TMEM108: variants seen among roughly 807,000 people sequenced by gnomAD.
TMEM108 encodes transmembrane protein 108.
TMEM108 carries 12 observed loss-of-function variants against 35.1 expected under a neutral mutation model. The ratio of observed to expected loss-of-function variants is 0.34; its 90% confidence interval spans 0.22 to 0.55. The LOEUF (loss-of-function observed/expected upper bound fraction) is 0.55, where lower values mean the gene tolerates loss of function less well. Among genes scored for constraint, TMEM108 ranks in the 20% least tolerant of loss-of-function variants. The pLI, the probability that TMEM108 is intolerant of heterozygous loss-of-function variation, is 0.89. For synonymous variants in TMEM108, 287 were observed against 308.6 expected, an observed-to-expected ratio of 0.93 and a Z score of 0.73; for missense variants, 680 against 753.3, an observed-to-expected ratio of 0.90 and a Z score of 1.14.
intron 2 of TMEM108, among the ~76,000 whole-genome samples, chr3:133,201,954 A>G (rs1248540457): frequency 6.6e-6 from 1 of 152,188 alleles, no homozygotes; most frequent in East Asian, 1.9e-4. Context: ...CGTCCTCTCC[A>G]GCATCTGTTC....
At chr3:133,277,096 A>G (rs1329623504) in intron 3 of TMEM108, among the ~76,000 whole-genome samples, 2 of 152,292 alleles carry the variant, frequency 1.3e-5, no homozygotes, top group Non-Finnish European at 1.5e-5. Flanking sequence ...AAGCAAATGC[A>G]GTATGTGTTC....
chr3:133,108,101 C>T (rs376366852), intron 2 of TMEM108, among the ~76,000 whole-genome samples: 167 of 152,184 alleles, frequency 1.1e-3, no homozygotes, highest in Non-Finnish European at 1.8e-3. Context: ...CATGATGGTG[C>T]GTGCCTGTAA....
intron 2 of TMEM108, among the ~76,000 whole-genome samples, chr3:133,076,319 C>T (rs922923230): frequency 2.0e-5 from 3 of 152,122 alleles, no homozygotes; most frequent in East Asian, 1.9e-4. Flanking sequence ...GCTTGCACTT[C>T]GAGGAGTCAA....
intron 3 of TMEM108, among the ~76,000 whole-genome samples, chr3:133,284,796 T>C (rs187854998): frequency 1.3e-3 from 196 of 152,338 alleles, no homozygotes; most frequent in African/African-American, 4.3e-3. Flanking sequence ...TCTACAACCC[T>C]CCTTCTCAAC....
intron 2 of TMEM108, among the ~76,000 whole-genome samples, chr3:133,080,738 C>G (rs1022474481): frequency 6.6e-6 from 1 of 152,070 alleles, no homozygotes; most frequent in Non-Finnish European, 1.5e-5. Flanking sequence ...AAGTGTATAT[C>G]TAGAGGAAAG....
chr3:133,382,487 G>C (rs986002418), intron 4 of TMEM108, among the ~76,000 whole-genome samples: 3 of 152,238 alleles, frequency 2.0e-5, no homozygotes, highest in African/African-American at 7.2e-5. Context: ...TGCCCCCTCT[G>C]GGGTAGCTTC....
chr3:133,055,617 C>T (rs1943457095), intron 2 of TMEM108, among the ~76,000 whole-genome samples: 1 of 152,170 alleles, frequency 6.6e-6, no homozygotes, highest in Admixed American at 6.5e-5. Context: ...CCTGAACTGC[C>T]CTATTCTTCC....
chr3:133,371,670 C>A (rs1175794994), intron 3 of TMEM108, among the ~76,000 whole-genome samples: 1 of 142,024 alleles, frequency 7.0e-6, no homozygotes, highest in Non-Finnish European at 1.5e-5. Context: ...GGAACATAGA[C>A]CTTACCTGTC....
intron 2 of TMEM108, among the ~76,000 whole-genome samples, chr3:133,203,199 C>T (rs1285243943): frequency 6.6e-6 from 1 of 152,104 alleles, no homozygotes; most frequent in Admixed American, 6.5e-5. Flanking sequence ...TGGGCTGAGA[C>T]GATGGGGTTT....
At chr3:133,216,412 A>C (rs58238138) in intron 2 of TMEM108, among the ~76,000 whole-genome samples, 50,269 of 151,864 alleles carry the variant, frequency 0.33, 8,873 homozygotes, top group East Asian at 0.47. Flanking sequence ...CCACTATGTC[A>C]TATGTGTGGT....
At chr3:133,325,612 C>T (rs1401126267) in intron 3 of TMEM108, among the ~76,000 whole-genome samples, 1 of 151,964 alleles carries the variant, frequency 6.6e-6, no homozygotes, top group Non-Finnish European at 1.5e-5. Context: ...GTCCTAGCTA[C>T]TTGGGAGGCT....
chr3:133,349,006 C>A (rs62280863), intron 3 of TMEM108, among the ~76,000 whole-genome samples: 51,410 of 151,626 alleles, frequency 0.34, 9,012 homozygotes, highest in East Asian at 0.48. Flanking sequence ...TACCAAGTTT[C>A]TAGCCTTGAC....
chr3:133,058,654 A>G (rs1430927407), intron 2 of TMEM108, among the ~76,000 whole-genome samples: 2 of 152,232 alleles, frequency 1.3e-5, no homozygotes, highest in Non-Finnish European at 2.9e-5. Context: ...GCCAAGGGCA[A>G]AGCCCTGTTT....
chr3:133,096,033 A>G (rs938048655), intron 2 of TMEM108, among the ~76,000 whole-genome samples: 4 of 152,194 alleles, frequency 2.6e-5, no homozygotes, highest in Non-Finnish European at 5.9e-5. Flanking sequence ...ACTCAAGGAA[A>G]AAGACTGAGG....
intron 2 of TMEM108, among the ~76,000 whole-genome samples, chr3:133,222,074 C>G (rs1439950960): frequency 6.6e-6 from 1 of 152,156 alleles, no homozygotes; most frequent in Non-Finnish European, 1.5e-5. Flanking sequence ...TCAGAGAACT[C>G]CCTTTAGCAG....
chr3:133,235,586 A>AC (rs1946224215), intron 3 of TMEM108, among the ~76,000 whole-genome samples: 1 of 152,134 alleles, frequency 6.6e-6, no homozygotes, highest in Non-Finnish European at 1.5e-5. Flanking sequence ...GGATGTGATC[A>AC]CTCACTACCT....
intron 1 of TMEM108, among the ~76,000 whole-genome samples, chr3:133,044,337 T>C (rs939311284): frequency 1.3e-5 from 2 of 152,200 alleles, no homozygotes; most frequent in Non-Finnish European, 2.9e-5. Context: ...GTGACTACTT[T>C]GTTTCCTGTT....
intron 3 of TMEM108, among the ~76,000 whole-genome samples, chr3:133,337,262 C>A (rs1329716341): frequency 1.3e-5 from 2 of 152,190 alleles, no homozygotes; most frequent in Non-Finnish European, 2.9e-5. Flanking sequence ...GCTGTGCAGG[C>A]TGCAGGTCTT....
At chr3:133,058,637 A>G (rs1943501593) in intron 2 of TMEM108, among the ~76,000 whole-genome samples, 1 of 152,236 alleles carries the variant, frequency 6.6e-6, no homozygotes, top group Non-Finnish European at 1.5e-5. Context: ...AGAGGAGACC[A>G]AGAGGTGCCA....
Sources: gnomAD v4.1 joint callset for allele counts (sites outside exome capture counted in the v4.1 genomes callset) on GRCh38, gnomAD v4.1.1 for gene constraint, MANE v1.5 for transcripts, NCBI Gene and HGNC (gene_info 2026-07-23, HGNC 2026-07-21) for gene names.